Variants in TRMT5 observed in about 807,000 individuals in gnomAD.
The protein encoded by TRMT5 is tRNA (guanine(37)-N(1))-methyltransferase.
A neutral mutation model predicts 42.2 loss-of-function variants in TRMT5; 31 were observed. The ratio of observed to expected loss-of-function variants is 0.73; its 90% confidence interval spans 0.55 to 0.99. The LOEUF (loss-of-function observed/expected upper bound fraction) is 0.99. Ranked by LOEUF, TRMT5 falls within the 50% of genes least tolerant of loss-of-function variation. The probability of loss-of-function intolerance (pLI) is 0.00; values close to 1 mark genes in which losing one functional copy is unlikely to be tolerated. For missense variants in TRMT5, 568 were observed against 595.0 expected, an observed-to-expected ratio of 0.95 and a Z score of 0.47; for synonymous variants, 198 against 209.6, an observed-to-expected ratio of 0.94 and a Z score of 0.48.
In TRMT5 at chr14:60,979,395, A is replaced by T. The variant is rs757974290; in HGVS notation, c.503T>A (p.Ile168Asn). 1.7e-5 allele frequency: 28 copies of T among 1,614,012 alleles called. No individual in the cohort carries two copies. The South Asian group carries it at 3.0e-4, about 17-fold the overall frequency. The change falls in exon 2 of 5, where the codon ATC becomes AAC. Residue 168 changes from isoleucine (I) to asparagine (N), a missense_variant. Transcript: ENST00000261249. Reference sequence around the variant, plus strand: ...TGTTAGTTCCAAATTGTATTTAGAGATCTGTGGACTGACATTAAGCTGCTC... The same window carrying T: ...TGTTAGTTCCAAATTGTATTTAGAGTTCTGTGGACTGACATTAAGCTGCTC... The part of the protein sequence containing the change: ...VLEQLNVSPQ[I>N]SKYNLELTYE...
At position 60,972,182 on chromosome 14, in the gene TRMT5, T is replaced by C. The variant is rs1317620930; in HGVS notation, c.*2927A>G. Reference sequence around the variant, plus strand: ...ACAAAATTCTGCATTTTTATAAAACTTGATAAAGAATATTTCAAACTGTAC... The same window carrying C: ...ACAAAATTCTGCATTTTTATAAAACCTGATAAAGAATATTTCAAACTGTAC... On this transcript the variant is annotated 3_prime_UTR_variant, in exon 5 of 5. Coordinates refer to ENST00000261249, the MANE Select transcript of TRMT5 (RefSeq NM_020810.3). The C allele has an allele frequency of 8.9e-6, 4 of 447,996 alleles. No homozygotes were observed. In the East Asian group the frequency reaches 2.2e-4, roughly 25 times the overall value. 27.8% of individuals were successfully genotyped at this position (447,996 alleles called of 1,614,324 possible).
intron 2 of TRMT5, among the ~76,000 whole-genome samples, chr14:60,978,132 C>CA (rs910583072): frequency 4.0e-5 from 6 of 148,210 alleles, no homozygotes; most frequent in African/African-American, 7.4e-5. Context: ...ACAATGTTTC[C>CA]AAAAAAAAAG....
chr14:60,981,583 C>G, upstream of TRMT5: 1 of 1,516,596 alleles, frequency 6.6e-7, no homozygotes, highest in Non-Finnish European at 8.8e-7. Flanking sequence ...GCCTAGCATA[C>G]TCTAGAAAGA....
chr14:60,976,806 C>G (rs2036854177), intron 3 of TRMT5, among the ~76,000 whole-genome samples: 1 of 152,098 alleles, frequency 6.6e-6, no homozygotes, highest in South Asian at 2.1e-4. Flanking sequence ...AATTCTTGAA[C>G]AAAAGACTTT....
intron 2 of TRMT5, 22 bp downstream of exon 2, chr14:60,979,209 A>C (rs777804478): frequency 1.1e-5 from 17 of 1,535,438 alleles, no homozygotes; most frequent in Admixed American, 1.1e-4. Context: ...CAAATACATG[A>C]ATATTACTAT....
chr14:60,974,944 G>T lies in TRMT5; in HGVS notation c.*165C>A. The T allele has an allele frequency of 2.5e-6, 1 of 406,912 alleles. No individual in the cohort carries two copies. Among genetic ancestry groups the T allele is most frequent in the South Asian group, 8.9e-5 (1 of 11,266 alleles). The allele number at this position is 406,912 out of a possible 1,614,324, so 25.2% of individuals were successfully genotyped here. A position where few individuals can be genotyped will look rare whatever the true frequency, so the allele number is the denominator to read the frequency against. On this transcript the variant is annotated 3_prime_UTR_variant, in exon 5 of 5. Coordinates refer to ENST00000261249, the MANE Select transcript of TRMT5 (RefSeq NM_020810.3). ...ATTTAGATAACAGGGAATGTATTTG[G>T]TAGCCTTAGTTCAGTTAAAGTTTAA...
rs777521672 is a variant in TRMT5, at chr14:60,977,624, C to G, written c.682G>C (p.Asp228His). The change falls in exon 3 of 5, where the codon GAC becomes CAC. Residue 228 changes from aspartate (D) to histidine (H), a missense_variant. Coordinates refer to ENST00000261249, the MANE Select transcript of TRMT5 (RefSeq NM_020810.3). Reference protein sequence around the residue: ...FKHLIGQVMIDKNPGITSAVN... With the variant: ...FKHLIGQVMIHKNPGITSAVN... Reference sequence around the variant, plus strand: ...GCTGAGGTGATTCCTGGATTTTTGTCAATCATAACCTGGCCTAAAAGAAAA... The same window carrying G: ...GCTGAGGTGATTCCTGGATTTTTGTGAATCATAACCTGGCCTAAAAGAAAA... 1 of 1,602,598 alleles carries G rather than the reference C, an allele frequency of 6.2e-7. No homozygotes were observed. Among genetic ancestry groups the G allele is most frequent in the Admixed American group, 1.7e-5 (1 of 58,084 alleles).
Position 60,973,235 on chromosome 14 carries a change from A to T in TRMT5, c.*1874T>A, listed in dbSNP as rs2036801407. 5.3e-5 allele frequency: 8 copies of T among 152,360 alleles called. No individual in the cohort carries two copies. The South Asian group carries it at 1.4e-3, about 28-fold the overall frequency. 9.4% of individuals were successfully genotyped at this position (152,360 alleles called of 1,614,324 possible). On this transcript the variant is annotated 3_prime_UTR_variant, in exon 5 of 5. Coordinates refer to ENST00000261249, the MANE Select transcript of TRMT5 (RefSeq NM_020810.3). ...GCCATTCTTGCATTGCTATAAAGAA[A>T]TACTTGATACTGGGTAATTTATAAG...
At chr14:60,981,344 G>C (rs2036994941), upstream of TRMT5, 7 of 1,610,250 alleles carry the variant, frequency 4.3e-6, no homozygotes, top group Non-Finnish European at 5.9e-6. Context: ...GCAGCCTGAA[G>C]AAGCGGAGGC....
chr14:60,974,958 G>T lies in TRMT5; in HGVS notation c.*151C>A. On this transcript the variant is annotated 3_prime_UTR_variant, in exon 5 of 5. Transcript: ENST00000261249. ...GAATGTATTTGGTAGCCTTAGTTCA[G>T]TTAAAGTTTAATTGGTAATCCTCAA... The T allele has an allele frequency of 2.2e-6, 1 of 464,334 alleles. No homozygotes were observed. The highest frequency in any genetic ancestry group is 3.8e-6 in the Non-Finnish European group (1 of 261,868). The allele number at this position is 464,334 out of a possible 1,614,324, so 28.8% of individuals were successfully genotyped here. A position where few individuals can be genotyped will look rare whatever the true frequency, so the allele number is the denominator to read the frequency against.
At chr14:60,980,012 T>C (rs2036922870) in intron 1 of TRMT5, 126 bp from the exon 2 acceptor site, 2 of 1,072,806 alleles carry the variant, frequency 1.9e-6, no homozygotes, top group South Asian at 1.8e-5. Context: ...GGAAGTATAC[T>C]ATCTTTTCCA....
rs2036823456 is a variant in TRMT5, at chr14:60,975,029, AC to A, written c.*79del. 8.2e-7 allele frequency: 1 copy of A among 1,220,332 alleles called. No individual in the cohort carries two copies. The highest frequency in any genetic ancestry group is 1.1e-6 in the Non-Finnish European group (1 of 882,350). 75.6% of individuals were successfully genotyped at this position (1,220,332 alleles called of 1,614,324 possible). A position where few individuals can be genotyped will look rare whatever the true frequency, so the allele number is the denominator to read the frequency against. ...ACAAGGGTTCAATAGTAAAAACCAAACCCTAAAATTTTATTAAATAATACAA... is the reference window on the plus strand; with the variant it reads ...ACAAGGGTTCAATAGTAAAAACCAAACCTAAAATTTTATTAAATAATACAA... On this transcript the variant is annotated 3_prime_UTR_variant, in exon 5 of 5. Transcript: ENST00000261249.
At position 60,973,161 on chromosome 14, in the gene TRMT5, T is replaced by C. The variant is rs2036800017; in HGVS notation, c.*1948A>G. ...TCAAATATTGTGATTCAAATATCGA[T>C]TGTCAAAATGACTGTACCATATCAA... On this transcript the variant is annotated 3_prime_UTR_variant, in exon 5 of 5. Transcript: ENST00000261249. 1 of 152,252 alleles carries C rather than the reference T, an allele frequency of 6.6e-6. No individual in the cohort carries two copies. Among genetic ancestry groups the C allele is most frequent in the African/African-American group, 2.4e-5 (1 of 41,474 alleles). The allele number at this position is 152,252 out of a possible 1,614,324, so 9.4% of individuals were successfully genotyped here.
intron 3 of TRMT5, 41 bp from the exon 4 acceptor site, chr14:60,976,167 C>G: frequency 6.4e-7 from 1 of 1,564,244 alleles, no homozygotes; most frequent in Non-Finnish European, 8.6e-7. Flanking sequence ...TTTCCTTGGT[C>G]CTAAATCCTA....
Position 60,974,435 on chromosome 14 carries a change from AAAC to A in TRMT5, c.*671_*673del, listed in dbSNP as rs2036817095. ...AAATTCGTGAAGCGTTCCATATTAA[AAAC>A]AAAAAACAGCTGCAGATGATATGTA... On this transcript the variant is annotated 3_prime_UTR_variant, in exon 5 of 5. Transcript: ENST00000261249. The A allele has an allele frequency of 6.6e-6, 1 of 152,368 alleles. No individual in the cohort carries two copies. The highest frequency in any genetic ancestry group is 1.5e-5 in the Non-Finnish European group (1 of 68,040). The allele number at this position is 152,368 out of a possible 1,614,324, so 9.4% of individuals were successfully genotyped here.
rs79593241 is a variant in TRMT5 at position 60,980,621 on chromosome 14, A to G, written c.11+342T>C. Among the ~76,000 whole-genome samples the G allele has an allele frequency of 5.9e-5, 9 of 152,206 alleles. No homozygotes were observed. The East Asian group carries it at 1.7e-3, about 29-fold the overall frequency. ...GTATCAGTTATTCACTGTCTTCTAA[A>G]ATACCAAAGAATTTACTTGTAAGGG... On this transcript the variant is annotated intron_variant, in intron 1 of 4. Coordinates refer to ENST00000261249, the MANE Select transcript of TRMT5 (RefSeq NM_020810.3).
At chr14:60,981,312 G>A (rs1210938810), upstream of TRMT5, 17 of 1,610,410 alleles carry the variant, frequency 1.1e-5, no homozygotes, top group Non-Finnish European at 1.4e-5. Context: ...AACGCTGAGC[G>A]GGGCTGGTAT....
chr14:60,976,047 C>T lies in TRMT5; in HGVS notation c.872G>A (p.Arg291His), dbSNP rs746738473. The T allele has an allele frequency of 3.8e-5, 62 of 1,614,054 alleles. No homozygotes were observed. The highest frequency in any genetic ancestry group is 4.6e-5 in the Non-Finnish European group (54 of 1,180,020). ...WNPRLSTEHS[R>H]ITELLKPGDV... ...CCCAGGTTTGAGAAGTTCTGTGATACGGCTGTGTTCTGTAGACAGACGAGG... is the reference window on the plus strand; with the variant it reads ...CCCAGGTTTGAGAAGTTCTGTGATATGGCTGTGTTCTGTAGACAGACGAGG... The change falls in exon 4 of 5, where the codon CGT (arginine) becomes CAT (histidine). Residue 291 changes from arginine to histidine, a missense_variant. Transcript: ENST00000261249.
In TRMT5 at chr14:60,972,544, C is replaced by G. The variant is rs2036791339; in HGVS notation, c.*2565G>C. The G allele has an allele frequency of 2.5e-6, 1 of 406,578 alleles. No homozygotes were observed. The highest frequency in any genetic ancestry group is 3.1e-5 in the Admixed American group (1 of 31,758). The allele number at this position is 406,578 out of a possible 1,614,324, so 25.2% of individuals were successfully genotyped here. A position where few individuals can be genotyped will look rare whatever the true frequency, so the allele number is the denominator to read the frequency against. ...CGCGGGCTTTGGTCGGTCCAGGGGT[C>G]GTTCTTGCCTCTTCTCCTTCACACT... On this transcript the variant is annotated 3_prime_UTR_variant, in exon 5 of 5. Transcript: ENST00000261249.
Sources: gnomAD v4.1 joint callset for allele counts (sites outside exome capture counted in the v4.1 genomes callset) on GRCh38, gnomAD v4.1.1 for gene constraint, MANE v1.5 for transcripts, NCBI Gene and HGNC (gene_info 2026-07-23, HGNC 2026-07-21) for gene names.